Variants in PITPNM3 observed in about 807,000 individuals in gnomAD.
The protein encoded by PITPNM3 is membrane-associated phosphatidylinositol transfer protein 3.
Under a neutral mutation model 102.0 loss-of-function variants are expected in PITPNM3, and 26 were observed. The ratio of observed to expected loss-of-function variants is 0.25; its 90% CI spans 0.19 to 0.35. The LOEUF is 0.35. Among genes scored for constraint, PITPNM3 ranks in the 10% least tolerant of loss-of-function variants. PITPNM3 has a pLI of 1.00. For synonymous variants in PITPNM3, 578 were observed against 558.6 expected, an observed-to-expected ratio of 1.03 and a Z score of -0.49; for missense variants, 1,083 against 1,346.1, an observed-to-expected ratio of 0.80 and a Z score of 3.06.
chr17:6,485,172 T>C (rs536305137), intron 4 of PITPNM3, among the ~76,000 whole-genome samples: 9 of 151,622 alleles, frequency 5.9e-5, no homozygotes, highest in African/African-American at 2.2e-4. Flanking sequence ...TTTTTTTTTT[T>C]TTTTTGATGG....
At chr17:6,535,086 G>A (rs1490406373) in intron 2 of PITPNM3, among the ~76,000 whole-genome samples, 2 of 152,154 alleles carry the variant, frequency 1.3e-5, no homozygotes, top group African/African-American at 4.8e-5. Context: ...GGTGCAGGAT[G>A]TCTGAGTGGG....
In PITPNM3 at chr17:6,472,467, C is replaced by A. The variant is rs1194032458; in HGVS notation, c.1429+190G>T. On this transcript the variant is annotated intron_variant, in intron 11 of 19. Transcript: ENST00000262483. This position sits in a 1 kb window ranked among gnomAD's most constrained non-coding sequence, Gnocchi z 4.1. ...GGAGCCTGTTGGGGGCCTCTGAGCC[C>A]CAAGATGCCTCAGACAAGCAGGTGC... Among the ~76,000 whole-genome samples, 1 of 152,220 alleles carries A rather than the reference C, an allele frequency of 6.6e-6. No individual in the cohort carries two copies. The highest frequency in any genetic ancestry group is 1.5e-5 in the Non-Finnish European group (1 of 68,038).
chr17:6,540,013 T>C (rs560652911), intron 1 of PITPNM3, among the ~76,000 whole-genome samples: 1 of 152,300 alleles, frequency 6.6e-6, no homozygotes, highest in African/African-American at 2.4e-5. Context: ...GGTGGCCTCA[T>C]ACATGCACGG....
chr17:6,455,420 G>A lies in PITPNM3; in HGVS notation c.2843C>T (p.Pro948Leu). The change falls in exon 20 of 20, where the codon CCC becomes CTC. Residue 948 changes from proline (P) to leucine (L), a missense_variant. By Grantham distance (98) the Pro-to-Leu change is moderately conservative. This residue lies in a region of PITPNM3 where 208 missense variants were observed against 178.2 expected (regional missense o/e 1.17). Coordinates refer to ENST00000262483, the MANE Select transcript of PITPNM3 (RefSeq NM_031220.4). ...NPKPERAQSQ[P>L]ESDKDHERPL... is the part of the protein sequence containing the mutation. Reference sequence around the variant, plus strand: ...CCGCTCGTGGTCTTTGTCCGACTCGGGCTGGCTCTGGGCCCGCTCGGGCTT... The same window carrying A: ...CCGCTCGTGGTCTTTGTCCGACTCGAGCTGGCTCTGGGCCCGCTCGGGCTT... 6.2e-7 allele frequency: 1 copy of A among 1,602,410 alleles called. No individual in the cohort carries two copies. Among genetic ancestry groups the A allele is most frequent in the Non-Finnish European group, 8.5e-7 (1 of 1,177,518 alleles).
At chr17:6,536,526 G>A (rs567692324) in intron 2 of PITPNM3, among the ~76,000 whole-genome samples, 42 of 152,162 alleles carry the variant, frequency 2.8e-4, no homozygotes, top group Non-Finnish European at 5.1e-4. Context: ...CCTCAGGGAA[G>A]GGGTTCCCCG....
At position 6,459,871 on chromosome 17, in the gene PITPNM3, G is replaced by A. The variant is rs1398352332; in HGVS notation, c.2490+1502C>T. Among the ~76,000 whole-genome samples the A allele has an allele frequency of 2.0e-5, 3 of 151,944 alleles. No homozygotes were observed. Among genetic ancestry groups the A allele is most frequent in the Non-Finnish European group, 4.4e-5 (3 of 68,006 alleles). On this transcript the variant is annotated intron_variant, in intron 18 of 19. Coordinates refer to ENST00000262483, the MANE Select transcript of PITPNM3 (RefSeq NM_031220.4). This position sits in a 1 kb window ranked among gnomAD's most constrained non-coding sequence, Gnocchi z 5.0. ...TATTCCACCTCCTAATCCTGTCCAT[G>A]TTTTTCTCTCCATCCCATACCCATC...
chr17:6,516,558 C>T (rs1423384816), intron 3 of PITPNM3, among the ~76,000 whole-genome samples: 9 of 101,032 alleles, frequency 8.9e-5, no homozygotes, highest in Admixed American at 2.1e-4. Context: ...AGACAGACTC[C>T]GCCTCAAAAA....
Position 6,459,042 on chromosome 17 carries a change from T to A in PITPNM3, c.2491-1320A>T, listed in dbSNP as rs1446666391. On this transcript the variant is annotated intron_variant, in intron 18 of 19. Coordinates refer to ENST00000262483, the MANE Select transcript of PITPNM3 (RefSeq NM_031220.4). The surrounding 1 kb of genome is among the most constrained non-coding windows in gnomAD (Gnocchi z 5.0). ...GGTTTATTCCCAACTGGCCTTTGGC[T>A]CAGAGGATGGAGCAGCCCCTCTTCG... is the stretch of plus-strand genomic sequence containing the variant. Among the ~76,000 whole-genome samples, 1 of 152,158 alleles carries A rather than the reference T, an allele frequency of 6.6e-6. No individual in the cohort carries two copies. Among genetic ancestry groups the A allele is most frequent in the African/African-American group, 2.4e-5 (1 of 41,428 alleles).
At chr17:6,479,648 C>T (rs1444843601) in intron 6 of PITPNM3, 2 of 152,326 alleles carry the variant, frequency 1.3e-5, no homozygotes, top group Non-Finnish European at 2.9e-5. Flanking sequence ...AGTGCACATC[C>T]CACTGGGACT....
chr17:6,519,128 G>C (rs1214026946), intron 3 of PITPNM3, among the ~76,000 whole-genome samples: 1 of 149,842 alleles, frequency 6.7e-6, no homozygotes, highest in African/African-American at 2.5e-5. Context: ...ACGAGGTCAG[G>C]AGATCGAGAC....
rs1485673110 is a variant in PITPNM3 at position 6,455,322 on chromosome 17, G to A, written c.*16C>T. The A allele has an allele frequency of 1.9e-6, 3 of 1,563,282 alleles. No individual in the cohort carries two copies. Among genetic ancestry groups the A allele is most frequent in the African/African-American group, 1.4e-5 (1 of 73,424 alleles). On this transcript the variant is annotated 3_prime_UTR_variant, in exon 20 of 20. Coordinates refer to ENST00000262483, the MANE Select transcript of PITPNM3 (RefSeq NM_031220.4). The stretch of plus-strand genomic sequence containing the variant: ...GATTGGGCCCCCCGCTCCCTGCTCT[G>A]AGCACAGCCCACCCCTCAGGGCACC...
At chr17:6,516,997 G>A (rs1908227915) in intron 3 of PITPNM3, among the ~76,000 whole-genome samples, 1 of 152,290 alleles carries the variant, frequency 6.6e-6, no homozygotes, top group Non-Finnish European at 1.5e-5. Flanking sequence ...AATTCAAGAG[G>A]CCATGGAGGA....
At chr17:6,477,858 A>G in intron 8 of PITPNM3, 117 bp downstream of exon 8, 1 of 1,550,654 alleles carries the variant, frequency 6.4e-7, no homozygotes, top group Non-Finnish European at 8.8e-7. Flanking sequence ...ATTATGATAC[A>G]CTTCTTTGTG....
At position 6,451,498 on chromosome 17, in the gene PITPNM3, A is replaced by AC. The variant is rs1913831345; in HGVS notation, c.*3839dup. 1 of 152,232 alleles carries AC rather than the reference A, an allele frequency of 6.6e-6. No homozygotes were observed. Among genetic ancestry groups the AC allele is most frequent in the Non-Finnish European group, 1.5e-5 (1 of 68,040 alleles). 9.4% of individuals were successfully genotyped at this position (152,232 alleles called of 1,614,324 possible). A position where few individuals can be genotyped will look rare whatever the true frequency, so the allele number is the denominator to read the frequency against. ...TCTGTCACAGATAATACTGAAAGTT[A>AC]CACACTTAGGAACAGTCAGACCACA... On this transcript the variant is annotated 3_prime_UTR_variant, in exon 20 of 20. Transcript: ENST00000262483.
intron 2 of PITPNM3, among the ~76,000 whole-genome samples, chr17:6,530,049 C>A (rs1909059757): frequency 6.6e-6 from 1 of 152,204 alleles, no homozygotes; most frequent in African/African-American, 2.4e-5. Flanking sequence ...TCCTTCCACT[C>A]CCTCCAGGAG....
Position 6,556,161 on chromosome 17 carries a change from G to T in PITPNM3, c.22+224C>A, listed in dbSNP as rs1279851153. ...CCCTTTCCGGCGGGGCCGTGGAGAAGGGGACGCGGTGTCCCCCGAGGTGAC... is the reference window on the plus strand; with the variant it reads ...CCCTTTCCGGCGGGGCCGTGGAGAATGGGACGCGGTGTCCCCCGAGGTGAC... On this transcript the variant is annotated intron_variant, in intron 1 of 19. Transcript: ENST00000262483. This position sits in a 1 kb window ranked among gnomAD's most constrained non-coding sequence, Gnocchi z 5.2. Among the ~76,000 whole-genome samples, 1 of 151,966 alleles carries T rather than the reference G, an allele frequency of 6.6e-6. No homozygotes were observed. Among genetic ancestry groups the T allele is most frequent in the African/African-American group, 2.4e-5 (1 of 41,424 alleles).
At position 6,469,232 on chromosome 17, in the gene PITPNM3, T is replaced by A. The variant is rs999351776; in HGVS notation, c.1774-891A>T. On this transcript the variant is annotated intron_variant, in intron 13 of 19. Coordinates refer to ENST00000262483, the MANE Select transcript of PITPNM3 (RefSeq NM_031220.4). The surrounding 1 kb of genome is among the most constrained non-coding windows in gnomAD (Gnocchi z 4.0). ...CCCACATTTTTATCTGGAATCCTGA[T>A]GTCTTCTCTAAGTTCCAGACTCCTC... 6.6e-6 allele frequency among the ~76,000 whole-genome samples: 1 copy of A among 152,198 alleles called. No homozygotes were observed. The highest frequency in any genetic ancestry group is 1.5e-5 in the Non-Finnish European group (1 of 68,040).
Position 6,471,298 on chromosome 17 carries a change from G to A in PITPNM3, c.1487C>T (p.Pro496Leu), listed in dbSNP as rs144946778. 89 of 1,611,164 alleles carry A rather than the reference G, an allele frequency of 5.5e-5. No individual in the cohort carries two copies. Among genetic ancestry groups the A allele is most frequent in the Non-Finnish European group, 7.0e-5 (83 of 1,179,332 alleles). The change falls in exon 12 of 20, where the codon CCG (proline) becomes CTG (leucine). Residue 496 changes from proline (P) to leucine (L), a missense_variant. Pro to Leu is a moderately conservative substitution (Grantham distance 98). This residue lies in a region of PITPNM3 where 410 missense variants were observed against 638.4 expected (regional missense o/e 0.64). Coordinates refer to ENST00000262483, the MANE Select transcript of PITPNM3 (RefSeq NM_031220.4). ...CGAGGCAGGGGCATCCAGAAGTGGC[G>A]GGCTGTCCCGGGAGCTGCCCTCCAG... ...LFLEGSSRDS[P>L]PLLDAPASPP...
At chr17:6,530,078 G>A (rs909532257) in intron 2 of PITPNM3, among the ~76,000 whole-genome samples, 1 of 152,172 alleles carries the variant, frequency 6.6e-6, no homozygotes, top group Admixed American at 6.5e-5. Context: ...TTCTACCCTT[G>A]CCATTCTACA....
Sources: allele counts gnomAD v4.1 joint callset (sites outside exome capture counted in the v4.1 genomes callset), GRCh38; gene constraint gnomAD v4.1.1; regional missense constraint gnomAD v4.1.1; non-coding constraint Gnocchi (gnomAD v3.1); transcripts MANE v1.5; gene names NCBI Gene and HGNC (gene_info 2026-07-23, HGNC 2026-07-21).